SLC16A2: variants seen among roughly 807,000 people sequenced by gnomAD.
SLC16A2 encodes the protein monocarboxylate transporter 8.
Under a neutral mutation model 27.2 loss-of-function variants are expected in SLC16A2, and 3 were observed. That is an observed-to-expected ratio of 0.11 (90% CI 0.05 to 0.28). SLC16A2 has a LOEUF of 0.28. Ranked by LOEUF, SLC16A2 falls within the 10% of genes least tolerant of loss-of-function variation. The pLI, the probability that SLC16A2 is intolerant of heterozygous loss-of-function variation, is 1.00. For missense variants in SLC16A2, 295 were observed against 458.5 expected (o/e 0.64, Z 3.26); for synonymous variants, 202 against 187.8 (o/e 1.08, Z -0.62).
chrX:74,506,906 ATTAT>A (rs1204825066), intron 1 of SLC16A2, among the ~76,000 whole-genome samples: 99 of 94,944 alleles, frequency 1.0e-3, no homozygotes, highest in African/African-American at 2.5e-3. Flanking sequence ...TGTGATATTT[ATTAT>A]TTATTTATTT....
rs561687581 is a variant in SLC16A2 at position 74,492,742 on chromosome X, C to A, written c.431-28248C>A. ...GTACCTGGTGCATGTTCACTCTCCA[C>A]CCCCAACGTCCAGCTAAGCCTGGGG... On this transcript the variant is annotated intron_variant, in intron 1 of 5. Transcript: ENST00000587091. Among the ~76,000 whole-genome samples the A allele has an allele frequency of 6.3e-5, 7 of 111,592 alleles. No homozygotes were observed. In the South Asian group the frequency reaches 2.3e-3, roughly 37 times the overall value.
chrX:74,469,900 A>C (rs893043936), intron 1 of SLC16A2, among the ~76,000 whole-genome samples: 1 of 111,934 alleles, frequency 8.9e-6, no homozygotes, highest in African/African-American at 3.2e-5. Flanking sequence ...TTTGTCAAAT[A>C]CATAATAACA....
At chrX:74,467,111 C>T (rs975236469) in intron 1 of SLC16A2, among the ~76,000 whole-genome samples, 1 of 112,422 alleles carries the variant, frequency 8.9e-6, no homozygotes, top group Non-Finnish European at 1.9e-5. Context: ...CCCCTCCCCT[C>T]CATCTTCCTG....
At chrX:74,443,632 G>A (rs1380133759) in intron 1 of SLC16A2, among the ~76,000 whole-genome samples, 1 of 112,134 alleles carries the variant, frequency 8.9e-6, no homozygotes, top group East Asian at 2.8e-4. Flanking sequence ...GTAACTCTCC[G>A]CCTCCTGAGA....
At position 74,524,632 on chromosome X, in the gene SLC16A2, C is replaced by A. The variant is rs12849348; in HGVS notation, c.849C>A (p.Leu283=). ...TGCTTTCACTCACCTACCGGCCCCT[C>A]CTGCCCAGCTCCCAGGACACCCCAA... is the stretch of plus-strand genomic sequence containing the variant. ...LMLLSLTYRP[L]LPSSQDTPSK... is the part of the protein sequence containing the mutation. Residue 283 remains leucine, a synonymous_variant, in exon 3 of 6, where the codon CTC becomes CTA. Transcript: ENST00000587091. 1 of 1,211,984 alleles carries A rather than the reference C, an allele frequency of 8.3e-7. No homozygotes were observed. Among genetic ancestry groups the A allele is most frequent in the South Asian group, 1.8e-5 (1 of 56,993 alleles).
intron 1 of SLC16A2, among the ~76,000 whole-genome samples, chrX:74,519,717 A>AAT: frequency 1.5e-5 from 1 of 65,300 alleles, no homozygotes; most frequent in Non-Finnish European, 3.9e-5. Flanking sequence ...CTGTGTCTCA[A>AAT]AAAAAAAAAA....
chrX:74,438,282 C>T (rs1016988144), intron 1 of SLC16A2, among the ~76,000 whole-genome samples: 5 of 112,704 alleles, frequency 4.4e-5, no homozygotes, highest in African/African-American at 1.6e-4. Flanking sequence ...ATAATCCCTA[C>T]CTCACAGTCT....
chrX:74,514,655 G>A (rs1383837245), intron 1 of SLC16A2, among the ~76,000 whole-genome samples: 1 of 111,785 alleles, frequency 8.9e-6, no homozygotes, highest in Non-Finnish European at 1.9e-5. Context: ...AGGTGCCAAG[G>A]TGGTGTCAGT....
At chrX:74,519,250 T>C (rs887878457) in intron 1 of SLC16A2, among the ~76,000 whole-genome samples, 1 of 107,970 alleles carries the variant, frequency 9.3e-6, no homozygotes, top group Admixed American at 9.8e-5. Context: ...AGATCTCGGC[T>C]CACTGCAAGC....
chrX:74,456,613 C>T lies in SLC16A2; in HGVS notation c.430+34546C>T, dbSNP rs933827894. On this transcript the variant is annotated intron_variant, in intron 1 of 5. Coordinates refer to ENST00000587091, the MANE Select transcript of SLC16A2 (RefSeq NM_006517.5). ...TGCTGCCAGCATTCTAAAGAGCCTA[C>T]CTTTGGGTACTGCCCCTGCTTCATG... is the stretch of plus-strand genomic sequence containing the variant. Among the ~76,000 whole-genome samples the T allele has an allele frequency of 3.6e-5, 4 of 112,209 alleles. 1 individual carries two copies. Among genetic ancestry groups the T allele is most frequent in the Non-Finnish European group, 7.5e-5 (4 of 53,299 alleles).
chrX:74,529,242 G>A lies in SLC16A2; in HGVS notation c.1200G>A (p.Met400Ile). ...QVLSFLLLGL[M>I]SMMIPLCRDF... is the part of the protein sequence containing the mutation. ...TTTCCTTCCTGCTCCTGGGCCTGATGTCCATGATGATTCCCCTGTGCCGGG... is the reference window on the plus strand; with the variant it reads ...TTTCCTTCCTGCTCCTGGGCCTGATATCCATGATGATTCCCCTGTGCCGGG... Residue 400 changes from methionine to isoleucine, a missense_variant, in exon 5 of 6, where the codon ATG becomes ATA. By Grantham distance (10) the Met-to-Ile change is conservative. Coordinates refer to ENST00000587091, the MANE Select transcript of SLC16A2 (RefSeq NM_006517.5). The A allele has an allele frequency of 8.3e-7, 1 of 1,212,021 alleles. No homozygotes were observed. The highest frequency in any genetic ancestry group is 1.1e-6 in the Non-Finnish European group (1 of 895,409).
intron 1 of SLC16A2, among the ~76,000 whole-genome samples, chrX:74,432,960 A>G (rs1405466760): frequency 1.8e-5 from 2 of 112,118 alleles, no homozygotes; most frequent in Non-Finnish European, 3.8e-5. Context: ...CCTAAAGGCC[A>G]CCAGTGTTAT....
chrX:74,521,120 C>G lies in SLC16A2; in HGVS notation c.561C>G (p.Thr187=). ...GAAVAFIGLH[T]SSFTSSLSLR... ...CCGTTGCTTTCATTGGCCTCCATACCAGCTCCTTCACCAGGTAAGGCTAAG... is the reference window on the plus strand; with the variant it reads ...CCGTTGCTTTCATTGGCCTCCATACGAGCTCCTTCACCAGGTAAGGCTAAG... Residue 187 remains threonine (T), a synonymous_variant, in exon 2 of 6, where the codon ACC becomes ACG. Transcript: ENST00000587091. 8.3e-7 allele frequency: 1 copy of G among 1,212,098 alleles called. No homozygotes were observed. The highest frequency in any genetic ancestry group is 1.1e-6 in the Non-Finnish European group (1 of 895,597).
intron 1 of SLC16A2, among the ~76,000 whole-genome samples, chrX:74,436,125 A>G (rs1286563405): frequency 3.6e-5 from 4 of 111,215 alleles, no homozygotes; most frequent in Non-Finnish European, 7.5e-5. Context: ...TGGAAAGGGT[A>G]TCTACCTCAT....
intron 1 of SLC16A2, among the ~76,000 whole-genome samples, chrX:74,477,350 A>G (rs1929503601): frequency 9.1e-6 from 1 of 110,015 alleles, no homozygotes; most frequent in Non-Finnish European, 1.9e-5. Flanking sequence ...TTTTTATTGC[A>G]TCTATTTGAT....
At chrX:74,508,081 A>G (rs1269166659) in intron 1 of SLC16A2, among the ~76,000 whole-genome samples, 1 of 112,366 alleles carries the variant, frequency 8.9e-6, no homozygotes, top group Non-Finnish European at 1.9e-5. Context: ...ACTGTTTTCC[A>G]TAATGGCTGT....
intron 1 of SLC16A2, among the ~76,000 whole-genome samples, chrX:74,462,411 C>T (rs1047904813): frequency 8.9e-6 from 1 of 111,967 alleles, no homozygotes; most frequent in African/African-American, 3.2e-5. Context: ...CCTCCACCTC[C>T]TGGATTCAAA....
intron 1 of SLC16A2, among the ~76,000 whole-genome samples, chrX:74,442,228 C>T (rs1204309091): frequency 1.3e-4 from 5 of 38,382 alleles, no homozygotes; most frequent in Non-Finnish European, 1.0e-4. Flanking sequence ...AACTCCGTCT[C>T]AAAAAAAAAA....
Position 74,531,561 on chromosome X carries a change from C to T in SLC16A2, c.*8C>T, listed in dbSNP as rs1369426920. On this transcript the variant is annotated 3_prime_UTR_variant, in exon 6 of 6. Coordinates refer to ENST00000587091, the MANE Select transcript of SLC16A2 (RefSeq NM_006517.5). Reference sequence around the variant, plus strand: ...CCTGAGGAACCAATCTAATGCCTTTCTTGCCATTGTGTGCCCTTTCCCAGC... The same window carrying T: ...CCTGAGGAACCAATCTAATGCCTTTTTTGCCATTGTGTGCCCTTTCCCAGC... 4.3e-6 allele frequency: 5 copies of T among 1,175,472 alleles called. No individual in the cohort carries two copies. The highest frequency in any genetic ancestry group is 5.8e-6 in the Non-Finnish European group (5 of 863,385).
Sources: allele counts gnomAD v4.1 joint callset (sites outside exome capture counted in the v4.1 genomes callset), GRCh38; gene constraint gnomAD v4.1.1; transcripts MANE v1.5; gene names NCBI Gene and HGNC (gene_info 2026-07-23, HGNC 2026-07-21).